PKHD1: variants seen among roughly 807,000 people sequenced by gnomAD.
PKHD1 encodes fibrocystin.
PKHD1 carries 291 observed loss-of-function variants against 412.0 expected under a neutral mutation model. The observed-to-expected ratio is 0.71, with a 90% confidence interval of 0.64 to 0.78. The LOEUF is 0.78. Among genes scored for constraint, PKHD1 ranks in the 30% least tolerant of loss-of-function variants. The pLI is 0.00. For missense variants in PKHD1, 4,825 were observed against 4,950.7 expected, an observed-to-expected ratio of 0.97 and a Z score of 0.76; for synonymous variants, 1,777 against 1,821.5, an observed-to-expected ratio of 0.98 and a Z score of 0.62.
chr6:51,887,207 G>C lies in PKHD1; in HGVS notation c.7035C>G (p.Phe2345Leu). ...RVCGAGYGYF[F>L]HLMTNQTSQA... ...GTGATGTTTGGTTGGTCATGAGATG[G>C]AAAAAGTAGCCATAGCCAGCACCAC... is the stretch of plus-strand genomic sequence containing the variant. Residue 2345 changes from phenylalanine to leucine, a missense_variant, in exon 44 of 67, where the codon TTC becomes TTG. By Grantham distance (22) the Phe-to-Leu change is conservative. Coordinates refer to ENST00000371117, the MANE Select transcript of PKHD1 (RefSeq NM_138694.4). 6.2e-7 allele frequency: 1 copy of C among 1,613,290 alleles called. No individual in the cohort carries two copies. The highest frequency in any genetic ancestry group is 8.5e-7 in the Non-Finnish European group (1 of 1,179,280).
intron 48 of PKHD1, among the ~76,000 whole-genome samples, chr6:51,866,147 A>T (rs529695895): frequency 6.6e-6 from 1 of 152,112 alleles, no homozygotes; most frequent in African/African-American, 2.4e-5. Flanking sequence ...ATCAGGGCCA[A>T]GAGATTTATA....
chr6:51,982,727 T>C (rs1053066198), intron 35 of PKHD1, among the ~76,000 whole-genome samples: 3 of 144,482 alleles, frequency 2.1e-5, no homozygotes, highest in Non-Finnish European at 4.6e-5. Context: ...TTCACTTGTT[T>C]ATCTGCTGAC....
intron 11 of PKHD1, among the ~76,000 whole-genome samples, chr6:52,069,052 A>G (rs750653245): frequency 6.6e-6 from 1 of 152,226 alleles, no homozygotes; most frequent in Non-Finnish European, 1.5e-5. Flanking sequence ...TACTCATCAG[A>G]TGGCAACAGA....
At chr6:51,986,894 C>T (rs1040971864) in intron 35 of PKHD1, among the ~76,000 whole-genome samples, 1 of 152,210 alleles carries the variant, frequency 6.6e-6, no homozygotes, top group Admixed American at 6.5e-5. Flanking sequence ...ATTTGCTAAA[C>T]CCCAGGCACA....
At chr6:51,823,778 A>G (rs1237609916) in intron 52 of PKHD1, among the ~76,000 whole-genome samples, 1 of 152,174 alleles carries the variant, frequency 6.6e-6, no homozygotes, top group African/African-American at 2.4e-5. Context: ...CCCACTCCTA[A>G]TTGTCCACCC....
chr6:51,858,217 G>A (rs9370074), intron 48 of PKHD1, among the ~76,000 whole-genome samples: 60,362 of 151,914 alleles, frequency 0.4, 13,145 homozygotes, highest in East Asian at 0.85. Flanking sequence ...CCATATATGG[G>A]ATTTAGTTTT....
intron 53 of PKHD1, among the ~76,000 whole-genome samples, chr6:51,776,980 A>T (rs1311518726): frequency 1.3e-5 from 2 of 152,100 alleles, no homozygotes; most frequent in East Asian, 1.9e-4. Flanking sequence ...TATGTCTTAG[A>T]GTACAAAAAT....
intron 61 of PKHD1, among the ~76,000 whole-genome samples, chr6:51,653,779 G>A (rs1162176036): frequency 6.6e-6 from 1 of 151,980 alleles, no homozygotes. Flanking sequence ...CAGGGCACAA[G>A]GACAATGAAA....
intron 51 of PKHD1, among the ~76,000 whole-genome samples, chr6:51,834,321 C>G (rs1309337547): frequency 6.6e-6 from 1 of 151,982 alleles, no homozygotes; most frequent in Non-Finnish European, 1.5e-5. Flanking sequence ...TCTCAGAGAT[C>G]AAAGAAAGCG....
intron 43 of PKHD1, among the ~76,000 whole-genome samples, chr6:51,896,734 C>A (rs1014475760): frequency 1.3e-5 from 2 of 152,012 alleles, no homozygotes; most frequent in African/African-American, 4.8e-5. Context: ...GGAGGACATT[C>A]AAACCAAAGG....
At position 51,801,178 on chromosome 6, in the gene PKHD1, A is replaced by T. The variant is rs116017859; in HGVS notation, c.8303-9805T>A. ...TCGTTTAACTTTGGAGGCATCTAAC[A>T]ATTTATTTAAATAGTCTATCATAAT... On this transcript the variant is annotated intron_variant, in intron 52 of 66. Transcript: ENST00000371117. 1.8e-3 allele frequency among the ~76,000 whole-genome samples: 273 copies of T among 152,312 alleles called. 3 individuals carry two copies. Among genetic ancestry groups the T allele is most frequent in the African/African-American group, 5.9e-3 (245 of 41,578 alleles).
At chr6:52,049,834 T>A (rs909281891) in intron 22 of PKHD1, among the ~76,000 whole-genome samples, 3 of 152,132 alleles carry the variant, frequency 2.0e-5, no homozygotes. Context: ...CAGCACAAAA[T>A]GCCACTATTT....
intron 60 of PKHD1, among the ~76,000 whole-genome samples, chr6:51,699,387 A>C (rs1054076043): frequency 1.3e-5 from 2 of 152,158 alleles, no homozygotes; most frequent in Admixed American, 6.6e-5. Flanking sequence ...TCTGAGAATC[A>C]TCCAAGTTGT....
intron 43 of PKHD1, among the ~76,000 whole-genome samples, chr6:51,890,424 C>T (rs3789780): frequency 0.34 from 52,244 of 151,734 alleles, 9,951 homozygotes; most frequent in East Asian, 0.74. Flanking sequence ...GTGGAGACAA[C>T]ATATTGAACA....
intron 60 of PKHD1, among the ~76,000 whole-genome samples, chr6:51,690,271 CAAAAAAAAAAAAAA>C (rs70977310): frequency 4.9e-4 from 54 of 109,914 alleles, no homozygotes; most frequent in South Asian, 1.3e-3. Context: ...GACTCCATCT[CAAAAAAAAAAAAAA>C]AAAAAAAAAA....
At chr6:51,830,522 C>T (rs1046887153) in intron 52 of PKHD1, among the ~76,000 whole-genome samples, 3 of 152,108 alleles carry the variant, frequency 2.0e-5, no homozygotes, top group Admixed American at 6.6e-5. Context: ...TCTTCCATAC[C>T]CTCTGTGTCT....
chr6:51,837,096 A>G (rs548817446), intron 50 of PKHD1, among the ~76,000 whole-genome samples: 1 of 152,354 alleles, frequency 6.6e-6, no homozygotes, highest in South Asian at 2.1e-4. Context: ...AGCTGGGAAC[A>G]TATGCTCCTT....
intron 10 of PKHD1, among the ~76,000 whole-genome samples, chr6:52,069,784 G>A (rs765033446): frequency 1.3e-5 from 2 of 152,042 alleles, no homozygotes; most frequent in East Asian, 1.9e-4. Flanking sequence ...AGTGTGAAAG[G>A]GCCTAGTCCT....
At chr6:51,849,864 G>C (rs1453923602) in intron 49 of PKHD1, among the ~76,000 whole-genome samples, 1 of 152,146 alleles carries the variant, frequency 6.6e-6, no homozygotes, top group Non-Finnish European at 1.5e-5. Flanking sequence ...TCTGATGATA[G>C]TTTCTTTTGC....
Sources: gnomAD v4.1 joint callset for allele counts (sites outside exome capture counted in the v4.1 genomes callset) on GRCh38, gnomAD v4.1.1 for gene constraint, MANE v1.5 for transcripts, NCBI Gene and HGNC (gene_info 2026-07-23, HGNC 2026-07-21) for gene names.